SYN3: variants seen among roughly 807,000 people sequenced by gnomAD.
SYN3 encodes synapsin-3.
A neutral mutation model predicts 65.8 loss-of-function variants in SYN3; 35 were observed. The ratio of observed to expected loss-of-function variants is 0.53; its 90% CI spans 0.41 to 0.70. The LOEUF is 0.70. SYN3 is among the 30% of genes least tolerant of loss of function. The pLI is 0.00. For synonymous variants in SYN3, 270 were observed against 292.9 expected (o/e 0.92, Z 0.80); for missense variants, 680 against 749.0 (o/e 0.91, Z 1.08).
chr22:32,842,181 C>T (rs771500297), intron 6 of SYN3, among the ~76,000 whole-genome samples: 5 of 152,176 alleles, frequency 3.3e-5, no homozygotes, highest in Non-Finnish European at 7.4e-5. Context: ...CCAGACCCCA[C>T]GTGCTCCATG....
At chr22:32,581,618 A>G (rs555096499) in intron 7 of SYN3, among the ~76,000 whole-genome samples, 1 of 152,226 alleles carries the variant, frequency 6.6e-6, no homozygotes, top group East Asian at 1.9e-4. Flanking sequence ...GAGGCACTAA[A>G]CTGGCTCCCT....
At chr22:32,925,092 A>G (rs1408182540) in intron 4 of SYN3, among the ~76,000 whole-genome samples, 2 of 151,624 alleles carry the variant, frequency 1.3e-5, no homozygotes, top group African/African-American at 4.9e-5. Flanking sequence ...ACCCTGTCTC[A>G]AGGAAAAAAA....
At position 32,818,572 on chromosome 22, in the gene SYN3, CAGA is replaced by C. The variant is rs577503132; in HGVS notation, c.711+46340_711+46342del. Among the ~76,000 whole-genome samples, 10 of 152,250 alleles carry C rather than the reference CAGA, an allele frequency of 6.6e-5. 1 individual carries two copies. In the South Asian group the frequency reaches 2.1e-3, roughly 32 times the overall value. ...AGAGTATTTAAAGGAGGAAAGGAAACAGAAGGATAGGGCTGGTGGACTTAAAAG... is the reference window on the plus strand; with the variant it reads ...AGAGTATTTAAAGGAGGAAAGGAAACAGGATAGGGCTGGTGGACTTAAAAG... On this transcript the variant is annotated intron_variant, in intron 6 of 13. Coordinates refer to ENST00000358763, the MANE Select transcript of SYN3 (RefSeq NM_003490.4).
intron 6 of SYN3, among the ~76,000 whole-genome samples, chr22:32,807,693 C>A (rs1342238080): frequency 6.6e-6 from 1 of 150,894 alleles, no homozygotes; most frequent in African/African-American, 2.4e-5. Context: ...CCCCTTCACC[C>A]TGGCTCTAAA....
At chr22:32,838,522 T>C (rs2047801359) in intron 6 of SYN3, among the ~76,000 whole-genome samples, 1 of 152,138 alleles carries the variant, frequency 6.6e-6, no homozygotes, top group South Asian at 2.1e-4. Context: ...TCTTCATGTG[T>C]TGGTAGCTTT....
At chr22:32,897,283 C>T (rs1569310778) in intron 4 of SYN3, among the ~76,000 whole-genome samples, 1 of 152,158 alleles carries the variant, frequency 6.6e-6, no homozygotes, top group East Asian at 1.9e-4. Context: ...TCTCTCTAAT[C>T]TCCTGAGAGC....
intron 7 of SYN3, among the ~76,000 whole-genome samples, chr22:32,587,790 G>A (rs1001619860): frequency 2.6e-5 from 4 of 152,118 alleles, no homozygotes; most frequent in Non-Finnish European, 5.9e-5. Flanking sequence ...CTCATCACCC[G>A]GAACAGACAG....
chr22:32,666,333 C>G (rs980298117), intron 6 of SYN3, among the ~76,000 whole-genome samples: 2 of 134,746 alleles, frequency 1.5e-5, no homozygotes, highest in Non-Finnish European at 3.1e-5. Flanking sequence ...ATAACCCAAA[C>G]CAAACAATCC....
intron 6 of SYN3, among the ~76,000 whole-genome samples, chr22:32,600,992 A>C (rs938647223): frequency 6.6e-6 from 1 of 152,098 alleles, no homozygotes; most frequent in Non-Finnish European, 1.5e-5. Context: ...CGGCCACTTA[A>C]TATGATTTGA....
At chr22:32,773,828 G>T (rs117182504) in intron 6 of SYN3, among the ~76,000 whole-genome samples, 1 of 152,124 alleles carries the variant, frequency 6.6e-6, no homozygotes, top group East Asian at 1.9e-4. Flanking sequence ...GGGGAGGAAA[G>T]GTTGCTTCTA....
chr22:32,712,282 T>C (rs2060976378), intron 6 of SYN3, among the ~76,000 whole-genome samples: 1 of 152,238 alleles, frequency 6.6e-6, no homozygotes, highest in African/African-American at 2.4e-5. Flanking sequence ...TTCTGCTTCA[T>C]GCACTCTTCC....
At chr22:32,985,385 C>T (rs1182807942) in intron 2 of SYN3, among the ~76,000 whole-genome samples, 1 of 152,162 alleles carries the variant, frequency 6.6e-6, no homozygotes, top group African/African-American at 2.4e-5. Flanking sequence ...TTATGACTCA[C>T]CTTGCTTTGA....
In SYN3 at chr22:32,899,694, G is replaced by A. The variant is rs1056225640; in HGVS notation, c.462-30569C>T. 7.9e-5 allele frequency among the ~76,000 whole-genome samples: 12 copies of A among 152,228 alleles called. 1 individual carries two copies. The highest frequency in any genetic ancestry group is 2.0e-4 in the Admixed American group (3 of 15,282). ...CCTGGAGTTAAAATGCTGGGTTCTT[G>A]TCCTGGCCCTGAAACTCACTAGCCA... is the stretch of plus-strand genomic sequence containing the variant. On this transcript the variant is annotated intron_variant, in intron 4 of 13. Transcript: ENST00000358763.
chr22:32,629,795 G>T, intron 6 of SYN3: 1 of 152,200 alleles, frequency 6.6e-6, no homozygotes. Context: ...ATAGTGGGGT[G>T]GTTAAGAGCA....
intron 2 of SYN3, among the ~76,000 whole-genome samples, chr22:32,985,608 G>C (rs972073176): frequency 6.6e-6 from 1 of 152,182 alleles, no homozygotes; most frequent in East Asian, 1.9e-4. Context: ...AAACTCTAGA[G>C]GGAAGAATTT....
rs765680231 is a variant in SYN3, at chr22:32,794,679, G to A, written c.711+70236C>T. 6.6e-5 allele frequency among the ~76,000 whole-genome samples: 10 copies of A among 152,324 alleles called. No homozygotes were observed. The South Asian group carries it at 1.2e-3, about 19-fold the overall frequency. ...AACCACTAGGGGCAACAGAGTGTGC[G>A]AGGTGCCAAGCTGGAAGCCCGGAGG... On this transcript the variant is annotated intron_variant, in intron 6 of 13. Coordinates refer to ENST00000358763, the MANE Select transcript of SYN3 (RefSeq NM_003490.4).
intron 6 of SYN3, among the ~76,000 whole-genome samples, chr22:32,834,923 C>T (rs762854761): frequency 6.6e-6 from 1 of 152,178 alleles, no homozygotes; most frequent in Admixed American, 6.5e-5. Context: ...TGGACATTCC[C>T]TTCAGTCAGA....
At chr22:32,628,365 T>C (rs960210533) in intron 6 of SYN3, among the ~76,000 whole-genome samples, 1 of 152,110 alleles carries the variant, frequency 6.6e-6, no homozygotes, top group Non-Finnish European at 1.5e-5. Flanking sequence ...AGACCATTAC[T>C]GGAAGTGAGG....
At chr22:32,718,260 C>A (rs1191647747) in intron 6 of SYN3, among the ~76,000 whole-genome samples, 2 of 152,068 alleles carry the variant, frequency 1.3e-5, no homozygotes, top group Non-Finnish European at 2.9e-5. Context: ...CTCCCTGCTG[C>A]CTTGCCCTCT....
Sources: allele counts gnomAD v4.1 joint callset (sites outside exome capture counted in the v4.1 genomes callset), GRCh38; gene constraint gnomAD v4.1.1; transcripts MANE v1.5; gene names NCBI Gene and HGNC (gene_info 2026-07-23, HGNC 2026-07-21).